C1orf21: variants seen among roughly 807,000 people sequenced by gnomAD.
The protein encoded by C1orf21 is chromosome 1 open reading frame 21.
C1orf21 carries 3 observed loss-of-function variants against 18.7 expected under a neutral mutation model. The observed-to-expected ratio is 0.16, with a 90% CI of 0.07 to 0.42. The LOEUF is 0.42. Ranked by LOEUF, C1orf21 falls within the 10% of genes least tolerant of loss-of-function variation. The probability of loss-of-function intolerance (pLI) is 0.99; values close to 1 mark genes in which losing one functional copy is unlikely to be tolerated. For synonymous variants in C1orf21, 41 were observed against 46.4 expected, an observed-to-expected ratio of 0.88 and a Z score of 0.47; for missense variants, 104 against 143.6, an observed-to-expected ratio of 0.72 and a Z score of 1.41.
At chr1:184,613,446 G>C (rs1367445725) in intron 5 of C1orf21, among the ~76,000 whole-genome samples, 1 of 152,268 alleles carries the variant, frequency 6.6e-6, no homozygotes, top group South Asian at 2.1e-4. Flanking sequence ...CAGTCCTGTT[G>C]CCCCTCTCCT....
chr1:184,525,417 T>A (rs1448273039), intron 3 of C1orf21, among the ~76,000 whole-genome samples: 1 of 152,168 alleles, frequency 6.6e-6, no homozygotes, highest in Non-Finnish European at 1.5e-5. Flanking sequence ...TTTCCATCAT[T>A]TAGCTTTTCT....
chr1:184,451,462 A>ATTT (rs374550435), intron 1 of C1orf21, among the ~76,000 whole-genome samples: 798 of 77,690 alleles, frequency 0.01, 9 homozygotes, highest in African/African-American at 0.027. Context: ...GGCTAATTTA[A>ATTT]TTTTTTTTTT....
chr1:184,459,892 T>C (rs1196975559), intron 1 of C1orf21, among the ~76,000 whole-genome samples: 1 of 152,186 alleles, frequency 6.6e-6, no homozygotes, highest in Non-Finnish European at 1.5e-5. Context: ...CATCCATCCA[T>C]GCACTTTGCT....
chr1:184,567,910 CTG>C (rs1361914389), intron 3 of C1orf21: 1 of 196,964 alleles, frequency 5.1e-6, no homozygotes. Flanking sequence ...GGCATGAAGA[CTG>C]AGCTGTGAAA....
chr1:184,588,376 T>A (rs1437383362), intron 3 of C1orf21, among the ~76,000 whole-genome samples: 2 of 151,660 alleles, frequency 1.3e-5, no homozygotes, highest in African/African-American at 4.8e-5. Flanking sequence ...ACAAATGGGA[T>A]TTTTTTATGT....
chr1:184,580,650 T>C (rs1659263134), intron 3 of C1orf21, among the ~76,000 whole-genome samples: 1 of 152,242 alleles, frequency 6.6e-6, no homozygotes, highest in African/African-American at 2.4e-5. Context: ...CCCCATAAAC[T>C]TTTCAACAAG....
At chr1:184,520,338 G>GT (rs1310884539) in intron 3 of C1orf21, among the ~76,000 whole-genome samples, 9 of 152,166 alleles carry the variant, frequency 5.9e-5, no homozygotes, top group African/African-American at 2.2e-4. Context: ...AATTTTTACA[G>GT]TTGAGTGCAT....
Position 184,627,758 on chromosome 1 carries a change from T to G in C1orf21, c.*8202T>G, listed in dbSNP as rs1394615449. 2 of 152,192 alleles carry G rather than the reference T, an allele frequency of 1.3e-5. No individual in the cohort carries two copies. 9.4% of individuals were successfully genotyped at this position (152,192 alleles called of 1,614,324 possible). A position where few individuals can be genotyped will look rare whatever the true frequency, so the allele number is the denominator to read the frequency against. On this transcript the variant is annotated 3_prime_UTR_variant, in exon 6 of 6. Coordinates refer to ENST00000235307, the MANE Select transcript of C1orf21 (RefSeq NM_030806.4). ...GCTGGAAACCAACAAACATTTGGCC[T>G]CATATTCACCCATTTAAAAACTAGA...
At chr1:184,584,017 T>A (rs1659317377) in intron 3 of C1orf21, among the ~76,000 whole-genome samples, 1 of 152,136 alleles carries the variant, frequency 6.6e-6, no homozygotes, top group Non-Finnish European at 1.5e-5. Flanking sequence ...CAGCCCCCTC[T>A]GCTGGGTCTG....
intron 2 of C1orf21, among the ~76,000 whole-genome samples, chr1:184,497,414 A>T (rs1465093110): frequency 6.6e-6 from 1 of 152,236 alleles, no homozygotes; most frequent in African/African-American, 2.4e-5. Context: ...CTCTTGTGAG[A>T]AAAGGTACAG....
rs1659975694 is a variant in C1orf21, at chr1:184,624,540, A to C, written c.*4984A>C. The C allele has an allele frequency of 6.6e-6, 1 of 152,104 alleles. No individual in the cohort carries two copies. Among genetic ancestry groups the C allele is most frequent in the Non-Finnish European group, 1.5e-5 (1 of 68,026 alleles). The allele number at this position is 152,104 out of a possible 1,614,324, so 9.4% of individuals were successfully genotyped here. A position where few individuals can be genotyped will look rare whatever the true frequency, so the allele number is the denominator to read the frequency against. ...TTTAAGGTTAAAAGTCTTGACCTTCATGGGGGTCTGGGACAATCCGATCTC... is the reference window on the plus strand; with the variant it reads ...TTTAAGGTTAAAAGTCTTGACCTTCCTGGGGGTCTGGGACAATCCGATCTC... On this transcript the variant is annotated 3_prime_UTR_variant, in exon 6 of 6. Coordinates refer to ENST00000235307, the MANE Select transcript of C1orf21 (RefSeq NM_030806.4).
At chr1:184,564,453 A>G (rs962677986) in intron 3 of C1orf21, among the ~76,000 whole-genome samples, 2 of 152,018 alleles carry the variant, frequency 1.3e-5, no homozygotes, top group African/African-American at 2.4e-5. Context: ...GACTACAGGA[A>G]TGCACCACCA....
At chr1:184,469,341 AT>A (rs1657456575) in intron 1 of C1orf21, among the ~76,000 whole-genome samples, 1 of 152,192 alleles carries the variant, frequency 6.6e-6, no homozygotes, top group African/African-American at 2.4e-5. Flanking sequence ...TGTTTATTGT[AT>A]TTCCTTACAT....
intron 1 of C1orf21, among the ~76,000 whole-genome samples, chr1:184,449,421 T>C (rs1657087107): frequency 1.3e-5 from 2 of 152,202 alleles, no homozygotes; most frequent in African/African-American, 4.8e-5. Context: ...GGTGTATATG[T>C]GCCACATTTT....
At chr1:184,603,029 T>A (rs934187809) in intron 5 of C1orf21, among the ~76,000 whole-genome samples, 2 of 152,252 alleles carry the variant, frequency 1.3e-5, no homozygotes, top group Non-Finnish European at 2.9e-5. Context: ...ACAAAGACTC[T>A]CCCTATGAAA....
intron 1 of C1orf21, among the ~76,000 whole-genome samples, chr1:184,421,224 T>A (rs1005674112): frequency 9.2e-5 from 14 of 152,110 alleles, no homozygotes; most frequent in Admixed American, 7.9e-4. Flanking sequence ...ACTCCTGAGC[T>A]CAAGGGCCTG....
intron 1 of C1orf21, among the ~76,000 whole-genome samples, chr1:184,460,512 GACT>G (rs909112815): frequency 5.4e-5 from 8 of 147,660 alleles, no homozygotes; most frequent in African/African-American, 2.0e-4. Context: ...AAAATGGGGT[GACT>G]ACCTCTCTTT....
chr1:184,563,518 A>G (rs761723641), intron 3 of C1orf21, among the ~76,000 whole-genome samples: 5 of 152,202 alleles, frequency 3.3e-5, no homozygotes, highest in Non-Finnish European at 7.3e-5. Flanking sequence ...CCCCTAGCAT[A>G]CATAATTTCA....
intron 1 of C1orf21, among the ~76,000 whole-genome samples, chr1:184,446,816 T>A (rs1021399776): frequency 8.6e-5 from 13 of 150,644 alleles, no homozygotes; most frequent in Non-Finnish European, 1.5e-4. Flanking sequence ...TTTTTTAAGG[T>A]GTGATAGTGG....
Sources: gnomAD v4.1 joint callset for allele counts (sites outside exome capture counted in the v4.1 genomes callset) on GRCh38, gnomAD v4.1.1 for gene constraint, MANE v1.5 for transcripts, NCBI Gene and HGNC (gene_info 2026-07-23, HGNC 2026-07-21) for gene names.